SNX25: variants seen among roughly 807,000 people sequenced by gnomAD.
The protein encoded by SNX25 is sorting nexin 25, also known as sorting nexin-25.
A neutral mutation model predicts 113.7 loss-of-function variants in SNX25; 62 were observed. The observed-to-expected ratio is 0.55, with a 90% CI of 0.44 to 0.67. The LOEUF is 0.67. SNX25 is among the 30% of genes least tolerant of loss of function. SNX25 has a pLI of 0.00. For synonymous variants in SNX25, 421 were observed against 436.2 expected, an observed-to-expected ratio of 0.97 and a Z score of 0.43; for missense variants, 1,014 against 1,161.0, an observed-to-expected ratio of 0.87 and a Z score of 1.84.
chr4:185,306,667 C>A (rs1291565589), intron 6 of SNX25, among the ~76,000 whole-genome samples: 5 of 152,144 alleles, frequency 3.3e-5, no homozygotes, highest in Admixed American at 6.5e-5. Flanking sequence ...AAATAAGAGG[C>A]AACTTTAGTC....
intron 6 of SNX25, among the ~76,000 whole-genome samples, chr4:185,299,853 A>G (rs1391512124): frequency 6.6e-6 from 1 of 152,194 alleles, no homozygotes; most frequent in Non-Finnish European, 1.5e-5. Flanking sequence ...TTCAAGAGTC[A>G]TGTTCATTCA....
At chr4:185,206,484 C>A (rs78022218), upstream of SNX25, among the ~76,000 whole-genome samples, 1 of 52,856 alleles carries the variant, frequency 1.9e-5, no homozygotes, top group Non-Finnish European at 3.4e-5. Flanking sequence ...GCCCGATGAA[C>A]CCCATCTCAC....
rs184835474 is a variant in SNX25 at position 185,215,000 on chromosome 4, G to A, written c.429+4745G>A. Among the ~76,000 whole-genome samples, 349 of 152,310 alleles carry A rather than the reference G, an allele frequency of 2.3e-3. 4 individuals carry two copies. The highest frequency in any genetic ancestry group is 7.9e-3 in the African/African-American group (330 of 41,580). On this transcript the variant is annotated intron_variant, in intron 1 of 18. Transcript: ENST00000652585. ...AATCCCAGCACTTTGGGAGGCTGAG[G>A]CGGGTGGATCACGAGGTCAGGAGAT...
intron 5 of SNX25, among the ~76,000 whole-genome samples, chr4:185,271,435 G>A (rs977581131): frequency 4.6e-5 from 7 of 152,160 alleles, no homozygotes; most frequent in African/African-American, 1.2e-4. Context: ...ACGCCAGCAC[G>A]CCTAATTTTT....
At chr4:185,207,249 C>T (rs1163633936), upstream of SNX25, among the ~76,000 whole-genome samples, 2 of 122,542 alleles carry the variant, frequency 1.6e-5, no homozygotes, top group Non-Finnish European at 3.2e-5. Context: ...GACGGAGTCT[C>T]GCTGTCGCCC....
At chr4:185,354,028 C>T (rs1460876310) in intron 15 of SNX25, among the ~76,000 whole-genome samples, 1 of 143,960 alleles carries the variant, frequency 6.9e-6, no homozygotes, top group African/African-American at 2.6e-5. Flanking sequence ...TGGGTAACAG[C>T]GAGACTCCGT....
chr4:185,267,248 AGCAG>A, intron 5 of SNX25, 93 bp downstream of exon 5: 2 of 1,243,360 alleles, frequency 1.6e-6, no homozygotes, highest in Non-Finnish European at 2.3e-6. Flanking sequence ...TTGTCAGGGA[AGCAG>A]AAATAAAACA....
intron 6 of SNX25, among the ~76,000 whole-genome samples, chr4:185,290,497 T>A (rs906718094): frequency 1.3e-5 from 2 of 152,218 alleles, no homozygotes; most frequent in Admixed American, 1.3e-4. Flanking sequence ...TTAGCAGTGA[T>A]TGTCACCTCC....
intron 4 of SNX25, among the ~76,000 whole-genome samples, chr4:185,264,830 C>T (rs1351664700): frequency 6.6e-6 from 1 of 152,068 alleles, no homozygotes; most frequent in Non-Finnish European, 1.5e-5. Context: ...ACATAGAAAA[C>T]AAGTTTTTAT....
In SNX25 at chr4:185,325,095, C is replaced by G. The variant is rs191749486; in HGVS notation, c.1749+1295C>G. Among the ~76,000 whole-genome samples, 197 of 152,250 alleles carry G rather than the reference C, an allele frequency of 1.3e-3. 1 individual carries two copies. Among genetic ancestry groups the G allele is most frequent in the Non-Finnish European group, 2.3e-3 (157 of 68,024 alleles). On this transcript the variant is annotated intron_variant, in intron 9 of 18. Coordinates refer to ENST00000652585, the MANE Select transcript of SNX25 (RefSeq NM_001378034.2). ...TTTGGTTATTTTGGTATTCCCTTAG[C>G]TTTTTAGCCCTTTCTTTAAGTTTTT...
chr4:185,279,028 A>G (rs1381233625), intron 5 of SNX25, among the ~76,000 whole-genome samples: 1 of 152,092 alleles, frequency 6.6e-6, no homozygotes, highest in East Asian at 1.9e-4. Flanking sequence ...AATATATGGT[A>G]ACATTTTTGT....
At chr4:185,239,345 T>A (rs190580983) in intron 1 of SNX25, among the ~76,000 whole-genome samples, 21 of 151,952 alleles carry the variant, frequency 1.4e-4, no homozygotes, top group Non-Finnish European at 2.6e-4. Context: ...TAGCCGGGCG[T>A]GGTGGTGGGC....
At chr4:185,299,550 A>G (rs954183884) in intron 6 of SNX25, among the ~76,000 whole-genome samples, 2 of 152,194 alleles carry the variant, frequency 1.3e-5, no homozygotes, top group Non-Finnish European at 2.9e-5. Flanking sequence ...CTGCCTGTCC[A>G]GGAATCACAC....
intron 9 of SNX25, among the ~76,000 whole-genome samples, chr4:185,330,787 C>T (rs2095188848): frequency 6.6e-6 from 1 of 152,026 alleles, no homozygotes; most frequent in Non-Finnish European, 1.5e-5. Context: ...ACTTCATATA[C>T]ATTCTTTTTT....
chr4:185,231,840 A>G (rs1560912641), intron 1 of SNX25, among the ~76,000 whole-genome samples: 1 of 152,206 alleles, frequency 6.6e-6, no homozygotes. Flanking sequence ...TTACTCATCA[A>G]TTAAAAGGGA....
At chr4:185,258,160 C>G (rs966454481) in intron 2 of SNX25, among the ~76,000 whole-genome samples, 3 of 152,198 alleles carry the variant, frequency 2.0e-5, no homozygotes, top group Non-Finnish European at 4.4e-5. Context: ...GAAGGCACAA[C>G]CTTGGCCCAG....
intron 6 of SNX25, among the ~76,000 whole-genome samples, chr4:185,302,260 C>G (rs1259020871): frequency 6.6e-6 from 1 of 151,968 alleles, no homozygotes; most frequent in Non-Finnish European, 1.5e-5. Context: ...AAGAGTTTCC[C>G]TGAGTTCTGT....
upstream of SNX25, among the ~76,000 whole-genome samples, chr4:185,205,315 G>A (rs1470787631): frequency 1.3e-5 from 2 of 152,138 alleles, no homozygotes; most frequent in African/African-American, 4.8e-5. Context: ...TTAGCTGGGC[G>A]TGGTGACGTG....
At chr4:185,292,712 A>G (rs1464202562) in intron 6 of SNX25, among the ~76,000 whole-genome samples, 3 of 152,112 alleles carry the variant, frequency 2.0e-5, no homozygotes, top group Non-Finnish European at 4.4e-5. Flanking sequence ...CATGGACAGG[A>G]GTTTTGAGGC....
Sources: allele counts gnomAD v4.1 joint callset (sites outside exome capture counted in the v4.1 genomes callset), GRCh38; gene constraint gnomAD v4.1.1; transcripts MANE v1.5; gene names NCBI Gene and HGNC (gene_info 2026-07-23, HGNC 2026-07-21).